MTUS1: variants seen among roughly 807,000 people sequenced by gnomAD.
MTUS1 encodes microtubule associated scaffold protein 1.
MTUS1 carries 109 observed loss-of-function variants against 120.8 expected under a neutral mutation model. The observed-to-expected ratio is 0.90, with a 90% CI of 0.77 to 1.06. The LOEUF (loss-of-function observed/expected upper bound fraction) is 1.06. Among genes scored for constraint, MTUS1 ranks in the 50% least tolerant of loss-of-function variants. The probability of loss-of-function intolerance (pLI) is 0.00; values close to 1 mark genes in which losing one functional copy is unlikely to be tolerated. For synonymous variants in MTUS1, 737 were observed against 550.5 expected (o/e 1.34, Z -4.74); for missense variants, 2,210 against 1,486.3 (o/e 1.49, Z -8.01).
intron 4 of MTUS1, chr8:17,722,609 G>C (rs1053742579): frequency 1.0e-6 from 1 of 980,858 alleles, no homozygotes; most frequent in Non-Finnish European, 1.2e-6. Context: ...TGACCCGTCG[G>C]AAATGTGCTC....
chr8:17,762,779 G>C (rs903914907), intron 1 of MTUS1, among the ~76,000 whole-genome samples: 1 of 144,270 alleles, frequency 6.9e-6, no homozygotes, highest in Non-Finnish European at 1.5e-5. Context: ...CAAATCAACT[G>C]GGCCTTTGGT....
intron 8 of MTUS1, chr8:17,674,964 CT>C: frequency 7.7e-7 from 1 of 1,293,946 alleles, no homozygotes; most frequent in Non-Finnish European, 9.8e-7. Context: ...ATCAGAAGTT[CT>C]GCTAGGCTTA....
chr8:17,730,607 C>T lies in MTUS1; in HGVS notation c.2288-6774G>A, dbSNP rs551252453. 5.9e-5 allele frequency among the ~76,000 whole-genome samples: 9 copies of T among 151,676 alleles called. No homozygotes were observed. The South Asian group carries it at 1.0e-3, about 18-fold the overall frequency. On this transcript the variant is annotated intron_variant, in intron 3 of 14. Coordinates refer to ENST00000693296, the MANE Select transcript of MTUS1 (RefSeq NM_001363059.2). Reference sequence around the variant, plus strand: ...ACCCTACTGTTCACAGGCAGATGAACGAATAAACAAAAGGTGGTACAGATA... The same window carrying T: ...ACCCTACTGTTCACAGGCAGATGAATGAATAAACAAAAGGTGGTACAGATA...
intron 1 of MTUS1, among the ~76,000 whole-genome samples, chr8:17,791,062 C>A (rs550015642): frequency 1.3e-5 from 2 of 152,234 alleles, no homozygotes; most frequent in East Asian, 1.9e-4. Context: ...TACTTCCACT[C>A]GCATTAAAAC....
At chr8:17,762,415 C>A (rs1295986607) in intron 1 of MTUS1, among the ~76,000 whole-genome samples, 2 of 152,188 alleles carry the variant, frequency 1.3e-5, no homozygotes, top group Non-Finnish European at 2.9e-5. Context: ...CTACTCTAAG[C>A]CTCAACTTCC....
intron 13 of MTUS1, among the ~76,000 whole-genome samples, chr8:17,649,439 AATTCATTTCT>A (rs1367866885): frequency 6.7e-5 from 10 of 150,338 alleles, no homozygotes; most frequent in Non-Finnish European, 1.3e-4. Context: ...ATTTCTATTA[AATTCATTTCT>A]ATTCATTTCT....
intron 4 of MTUS1, among the ~76,000 whole-genome samples, chr8:17,718,983 A>G (rs570431494): frequency 1.3e-5 from 2 of 152,160 alleles, no homozygotes; most frequent in South Asian, 4.2e-4. Flanking sequence ...CAGCCTGGCC[A>G]ATATGGCAAA....
chr8:17,673,067 A>G (rs75141940), intron 8 of MTUS1, among the ~76,000 whole-genome samples: 1,663 of 152,162 alleles, frequency 0.011, 38 homozygotes, highest in African/African-American at 0.038. Context: ...GTTATAATGA[A>G]CTCTGAAACA....
intron 5 of MTUS1, among the ~76,000 whole-genome samples, chr8:17,714,310 T>C (rs1478957469): frequency 6.6e-6 from 1 of 152,124 alleles, no homozygotes; most frequent in African/African-American, 2.4e-5. Context: ...TACCATATTA[T>C]CCTTTAAACA....
intron 7 of MTUS1, among the ~76,000 whole-genome samples, chr8:17,682,905 C>G (rs1383848479): frequency 7.1e-6 from 1 of 140,284 alleles, no homozygotes. Flanking sequence ...AAGTAGTCTC[C>G]AACTTCCCCT....
chr8:17,756,415 T>C (rs936089749), intron 1 of MTUS1, among the ~76,000 whole-genome samples: 1 of 152,116 alleles, frequency 6.6e-6, no homozygotes, highest in Non-Finnish European at 1.5e-5. Context: ...CCCCCTATTA[T>C]TTCCATGCAG....
intron 3 of MTUS1, among the ~76,000 whole-genome samples, chr8:17,728,152 G>A (rs2046338269): frequency 6.6e-6 from 1 of 152,176 alleles, no homozygotes; most frequent in Non-Finnish European, 1.5e-5. Context: ...GTGGGGAAGG[G>A]AAATGGGGAG....
intron 6 of MTUS1, among the ~76,000 whole-genome samples, chr8:17,686,409 ATG>A (rs1397481222): frequency 4.6e-5 from 7 of 152,094 alleles, no homozygotes; most frequent in Non-Finnish European, 8.8e-5. Context: ...ATAAACATCT[ATG>A]TGTTATATAA....
rs763119208 is a variant in MTUS1, at chr8:17,654,617, G to C, written c.3158C>G (p.Ala1053Gly). 5 of 1,614,156 alleles carry C rather than the reference G, an allele frequency of 3.1e-6. No homozygotes were observed. The highest frequency in any genetic ancestry group is 1.7e-4 in the Middle Eastern group (1 of 6,060). The change falls in exon 10 of 15, where the codon GCT becomes GGT. Residue 1053 changes from alanine (A) to glycine (G), a missense_variant. Transcript: ENST00000693296. ...CAATTCAAGTTTCTCTGAGTGGCTA[G>C]CTTCAATTTCCAACTTAGAGGTTTC... ...AHETSKLEIEASHSEKLELLK... is the reference protein window; with the variant it reads ...AHETSKLEIEGSHSEKLELLK...
chr8:17,721,583 G>A (rs759198284), intron 4 of MTUS1: 5 of 1,117,198 alleles, frequency 4.5e-6, no homozygotes, highest in African/African-American at 3.2e-5. Flanking sequence ...CATACAAAAT[G>A]CCCCCAAATA....
intron 1 of MTUS1, among the ~76,000 whole-genome samples, chr8:17,758,728 G>A (rs1358998024): frequency 1.3e-5 from 2 of 152,126 alleles, no homozygotes; most frequent in Admixed American, 6.5e-5. Flanking sequence ...CTGCAAACAC[G>A]CACTTAGCAT....
chr8:17,698,737 C>A (rs1169332489), intron 6 of MTUS1, among the ~76,000 whole-genome samples: 1 of 152,094 alleles, frequency 6.6e-6, no homozygotes, highest in Non-Finnish European at 1.5e-5. Context: ...CCCCCTCCCT[C>A]TTCACTCAAG....
At chr8:17,748,416 AG>A (rs1158761226) in intron 2 of MTUS1, among the ~76,000 whole-genome samples, 1 of 152,204 alleles carries the variant, frequency 6.6e-6, no homozygotes, top group South Asian at 2.1e-4. Flanking sequence ...ACAGTGGACA[AG>A]AGCTTGGGAC....
intron 3 of MTUS1, among the ~76,000 whole-genome samples, chr8:17,739,462 C>A (rs530107520): frequency 1.3e-5 from 2 of 152,048 alleles, no homozygotes; most frequent in Non-Finnish European, 2.9e-5. Flanking sequence ...CAATTGCACT[C>A]CAGCCTGGGC....
Sources: gnomAD v4.1 joint callset for allele counts (sites outside exome capture counted in the v4.1 genomes callset) on GRCh38, gnomAD v4.1.1 for gene constraint, MANE v1.5 for transcripts, NCBI Gene and HGNC (gene_info 2026-07-23, HGNC 2026-07-21) for gene names.